MAN1C1: variants seen among roughly 807,000 people sequenced by gnomAD.
The protein encoded by MAN1C1 is mannosidase alpha class 1C member 1.
In MAN1C1, 49 loss-of-function variants were observed where a neutral mutation model predicts 71.5. That is an observed-to-expected ratio of 0.69 (90% CI 0.54 to 0.87). The LOEUF (loss-of-function observed/expected upper bound fraction) is 0.87, where lower values mean the gene tolerates loss of function less well. Among genes scored for constraint, MAN1C1 ranks in the 40% least tolerant of loss-of-function variants. MAN1C1 has a pLI of 0.00. For synonymous variants in MAN1C1, 352 were observed against 343.7 expected, an observed-to-expected ratio of 1.02 and a Z score of -0.27; for missense variants, 743 against 835.0, an observed-to-expected ratio of 0.89 and a Z score of 1.36.
At chr1:25,766,134 G>A (rs1272109765) in intron 7 of MAN1C1, among the ~76,000 whole-genome samples, 1 of 152,168 alleles carries the variant, frequency 6.6e-6, no homozygotes, top group Non-Finnish European at 1.5e-5. Flanking sequence ...CCCCTGCCGG[G>A]AAGCATAATT....
rs781621769 is a variant in MAN1C1, at chr1:25,746,914, C to T, written c.753+131C>T. On this transcript the variant is annotated intron_variant, in intron 3 of 11. Coordinates refer to ENST00000374332, the MANE Select transcript of MAN1C1 (RefSeq NM_020379.4). This position sits in a 1 kb window ranked among gnomAD's most constrained non-coding sequence, Gnocchi z 4.0. The stretch of plus-strand genomic sequence containing the variant: ...CCACGGCTGCACAGCCCAGCAGTCT[C>T]GGAACCGGAGCTGCCGTGCAGTCTG... The T allele has an allele frequency of 4.5e-6, 3 of 660,080 alleles. No individual in the cohort carries two copies. The highest frequency in any genetic ancestry group is 7.9e-6 in the Non-Finnish European group (3 of 380,982). 40.9% of individuals were successfully genotyped at this position (660,080 alleles called of 1,614,324 possible).
Position 25,782,838 on chromosome 1 carries a change from G to A in MAN1C1, c.1766+138G>A. ...GGGGTGAAGGGCTTGGGATCCAGAGGGCTGCACCCCAGGTGTGAGCCTTGG... is the reference window on the plus strand; with the variant it reads ...GGGGTGAAGGGCTTGGGATCCAGAGAGCTGCACCCCAGGTGTGAGCCTTGG... On this transcript the variant is annotated intron_variant, in intron 11 of 11. Transcript: ENST00000374332. The surrounding 1 kb of genome is among the most constrained non-coding windows in gnomAD (Gnocchi z 4.4). 1 of 647,144 alleles carries A rather than the reference G, an allele frequency of 1.5e-6. No individual in the cohort carries two copies. Among genetic ancestry groups the A allele is most frequent in the South Asian group, 1.9e-5 (1 of 52,338 alleles). The allele number at this position is 647,144 out of a possible 1,614,324, so 40.1% of individuals were successfully genotyped here.
At chr1:25,687,637 C>T (rs965179314) in intron 2 of MAN1C1, among the ~76,000 whole-genome samples, 2 of 152,192 alleles carry the variant, frequency 1.3e-5, no homozygotes, top group African/African-American at 4.8e-5. Context: ...TCAGAGATGT[C>T]CATGTTATGG....
At chr1:25,645,365 C>T (rs2045598628) in intron 1 of MAN1C1, 1 of 152,198 alleles carries the variant, frequency 6.6e-6, no homozygotes, top group Admixed American at 6.5e-5. Context: ...GGCTGTGCTG[C>T]AGGAACCCAG....
chr1:25,644,018 T>C (rs2045575298), intron 1 of MAN1C1, among the ~76,000 whole-genome samples: 1 of 152,178 alleles, frequency 6.6e-6, no homozygotes, highest in Admixed American at 6.5e-5. Context: ...ACTTCAGCTT[T>C]TTCAGGGCCT....
intron 1 of MAN1C1, among the ~76,000 whole-genome samples, chr1:25,664,315 T>C (rs2045891425): frequency 6.6e-6 from 1 of 152,170 alleles, no homozygotes; most frequent in Non-Finnish European, 1.5e-5. Context: ...TTGGCAATGC[T>C]GATTTTTAGA....
At position 25,735,996 on chromosome 1, in the gene MAN1C1, G is replaced by A. The variant is rs1216968796; in HGVS notation, c.638-10672G>A. On this transcript the variant is annotated intron_variant, in intron 2 of 11. Coordinates refer to ENST00000374332, the MANE Select transcript of MAN1C1 (RefSeq NM_020379.4). The surrounding 1 kb of genome is among the most constrained non-coding windows in gnomAD (Gnocchi z 4.6). The stretch of plus-strand genomic sequence containing the variant: ...TCCCAAGGAGGGAGAGGGAAGGAGT[G>A]AAGATTTGTTGAACAACCATCTAAT... Among the ~76,000 whole-genome samples the A allele has an allele frequency of 3.9e-5, 6 of 152,194 alleles. No individual in the cohort carries two copies. In the East Asian group the frequency reaches 1.2e-3, roughly 29 times the overall value.
At chr1:25,669,400 G>A (rs576279981) in intron 1 of MAN1C1, among the ~76,000 whole-genome samples, 4 of 152,138 alleles carry the variant, frequency 2.6e-5, no homozygotes, top group Non-Finnish European at 4.4e-5. Flanking sequence ...TCTGGGAGTA[G>A]CAATGGAAGA....
At chr1:25,633,124 C>T (rs1449047379) in intron 1 of MAN1C1, among the ~76,000 whole-genome samples, 1 of 152,100 alleles carries the variant, frequency 6.6e-6, no homozygotes, top group Non-Finnish European at 1.5e-5. Flanking sequence ...GTTGGTCTCC[C>T]AAAGTGCTGG....
rs541300702 is a variant in MAN1C1, at chr1:25,731,947, T to C, written c.638-14721T>C. Among the ~76,000 whole-genome samples, 576 of 152,252 alleles carry C rather than the reference T, an allele frequency of 3.8e-3. 4 individuals are homozygous for C. The highest frequency in any genetic ancestry group is 6.5e-3 in the Non-Finnish European group (440 of 68,008). On this transcript the variant is annotated intron_variant, in intron 2 of 11. Transcript: ENST00000374332. Reference sequence around the variant, plus strand: ...GCATCACACTAGGCTCTTTGGTGGCTCCAAAGATGCATCTGGCAGGATCTC... The same window carrying C: ...GCATCACACTAGGCTCTTTGGTGGCCCCAAAGATGCATCTGGCAGGATCTC...
rs573648656 is a variant in MAN1C1, at chr1:25,664,530, T to A, written c.541-21910T>A. Among the ~76,000 whole-genome samples, 9 of 152,360 alleles carry A rather than the reference T, an allele frequency of 5.9e-5. No homozygotes were observed. In the South Asian group the frequency reaches 1.7e-3, roughly 28 times the overall value. On this transcript the variant is annotated intron_variant, in intron 1 of 11. Transcript: ENST00000374332. ...AGACAGATAATTTGTCTAGCCAACA[T>A]CTAATTATGAATTAAAGCCCTGGCT...
In MAN1C1 at chr1:25,726,259, C is replaced by A. The variant is rs925239069; in HGVS notation, c.638-20409C>A. On this transcript the variant is annotated intron_variant, in intron 2 of 11. Coordinates refer to ENST00000374332, the MANE Select transcript of MAN1C1 (RefSeq NM_020379.4). ...GGGGAAAGGGAAAGGGAGGGAGGAC[C>A]ACCACGACCACGGTCTCCAGGGCCA... is the stretch of plus-strand genomic sequence containing the variant. Among the ~76,000 whole-genome samples, 16 of 152,264 alleles carry A rather than the reference C, an allele frequency of 1.1e-4. No homozygotes were observed. In the East Asian group the frequency reaches 3.1e-3, roughly 29 times the overall value.
chr1:25,641,885 C>G (rs2045542889), intron 1 of MAN1C1, among the ~76,000 whole-genome samples: 1 of 152,176 alleles, frequency 6.6e-6, no homozygotes, highest in Admixed American at 6.5e-5. Flanking sequence ...TTTATTAAAA[C>G]TTTAAGAGAA....
chr1:25,644,216 TC>T lies in MAN1C1; in HGVS notation c.540+25881del, dbSNP rs981254707. On this transcript the variant is annotated intron_variant, in intron 1 of 11. Transcript: ENST00000374332. ...TGGCATTTCAGGAGAATGTGGGCAATCCTGGGGGTAGTGGGTTTGCAAACTA... is the reference window on the plus strand; with the variant it reads ...TGGCATTTCAGGAGAATGTGGGCAATCTGGGGGTAGTGGGTTTGCAAACTA... Among the ~76,000 whole-genome samples, 155 of 152,088 alleles carry T rather than the reference TC, an allele frequency of 1.0e-3. 1 individual carries two copies. The highest frequency in any genetic ancestry group is 3.2e-4 in the Non-Finnish European group (22 of 67,994).
chr1:25,618,184 C>T lies in MAN1C1; in HGVS notation c.387C>T (p.Ile129=). 6.3e-7 allele frequency: 1 copy of T among 1,575,472 alleles called. No homozygotes were observed. The highest frequency in any genetic ancestry group is 8.6e-7 in the Non-Finnish European group (1 of 1,166,134). Residue 129 remains isoleucine (I), a synonymous_variant, in exon 1 of 12, where the codon ATC becomes ATT. Transcript: ENST00000374332. ...CCACGGCGGCCCGGGGCAATAGCAT[C>T]CCGGCCTCCAGGCCCGGGGACGAGG... ...EEATAARGNS[I]PASRPGDEGV...
At chr1:25,754,800 T>C (rs1030455541) in intron 5 of MAN1C1, among the ~76,000 whole-genome samples, 2 of 152,228 alleles carry the variant, frequency 1.3e-5, no homozygotes, top group Non-Finnish European at 2.9e-5. Flanking sequence ...AGGGACCTGA[T>C]CTGACACGAA....
intron 1 of MAN1C1, among the ~76,000 whole-genome samples, chr1:25,625,483 T>C (rs2045280033): frequency 6.6e-6 from 1 of 152,154 alleles, no homozygotes; most frequent in South Asian, 2.1e-4. Flanking sequence ...TGATTTCTAT[T>C]AGCTGAGATT....
At chr1:25,659,917 G>C (rs2045822232) in intron 1 of MAN1C1, among the ~76,000 whole-genome samples, 1 of 152,140 alleles carries the variant, frequency 6.6e-6, no homozygotes, top group African/African-American at 2.4e-5. Context: ...TATGTATAAT[G>C]ATATGTCGCA....
At chr1:25,737,656 A>T (rs959147237) in intron 2 of MAN1C1, among the ~76,000 whole-genome samples, 1 of 152,170 alleles carries the variant, frequency 6.6e-6, no homozygotes, top group Non-Finnish European at 1.5e-5. Flanking sequence ...CTATGCAGAG[A>T]CATACAATAT....
Sources: allele counts gnomAD v4.1 joint callset (sites outside exome capture counted in the v4.1 genomes callset), GRCh38; gene constraint gnomAD v4.1.1; non-coding constraint Gnocchi (gnomAD v3.1); transcripts MANE v1.5; gene names NCBI Gene and HGNC (gene_info 2026-07-23, HGNC 2026-07-21).